The following LRGUK variants were observed in gnomAD, a reference collection of about 807,000 sequenced individuals.
LRGUK encodes the protein leucine-rich repeat and guanylate kinase domain-containing protein.
A neutral mutation model predicts 76.0 loss-of-function variants in LRGUK; 65 were observed. The ratio of observed to expected loss-of-function variants is 0.85; its 90% CI spans 0.70 to 1.05. The LOEUF is 1.05. Among genes scored for constraint, LRGUK ranks in the 50% least tolerant of loss-of-function variants. The probability of loss-of-function intolerance (pLI) is 0.00; values close to 1 mark genes in which losing one functional copy is unlikely to be tolerated. For synonymous variants in LRGUK, 268 were observed against 265.6 expected (o/e 1.01, Z -0.09); for missense variants, 758 against 732.8 (o/e 1.03, Z -0.40).
At chr7:134,133,675 T>C (rs1797403518) in intron 1 of LRGUK, among the ~76,000 whole-genome samples, 1 of 151,026 alleles carries the variant, frequency 6.6e-6, no homozygotes, top group African/African-American at 2.4e-5. Flanking sequence ...AATGCAGCAG[T>C]TGATTATGAA....
intron 10 of LRGUK, among the ~76,000 whole-genome samples, chr7:134,180,006 G>A (rs1048629363): frequency 1.3e-5 from 2 of 152,114 alleles, no homozygotes; most frequent in Non-Finnish European, 2.9e-5. Flanking sequence ...ATTGGGGTGA[G>A]GATACAGTAT....
chr7:134,224,291 G>T (rs943045119), intron 16 of LRGUK, among the ~76,000 whole-genome samples: 1 of 152,230 alleles, frequency 6.6e-6, no homozygotes, highest in Non-Finnish European at 1.5e-5. Context: ...CAGGTGGGCT[G>T]TCCTGATGCA....
chr7:134,238,132 A>T (rs1484425854), intron 16 of LRGUK, among the ~76,000 whole-genome samples: 1 of 152,208 alleles, frequency 6.6e-6, no homozygotes, highest in Non-Finnish European at 1.5e-5. Flanking sequence ...TTAGTTCTCA[A>T]GTATGTACAT....
chr7:134,162,289 G>A (rs1045996855), intron 6 of LRGUK, among the ~76,000 whole-genome samples: 1 of 152,042 alleles, frequency 6.6e-6, no homozygotes, highest in African/African-American at 2.4e-5. Context: ...TGAGAGGCTG[G>A]GATGGCAAGG....
intron 4 of LRGUK, among the ~76,000 whole-genome samples, chr7:134,145,352 A>T (rs760156741): frequency 6.6e-5 from 10 of 152,014 alleles, no homozygotes; most frequent in Non-Finnish European, 1.2e-4. Context: ...GGTTCAAGCA[A>T]TTCTCCTGCC....
rs527325126 is a variant in LRGUK at position 134,223,240 on chromosome 7, CTG to C, written c.1983+1325_1983+1326del. ...CCTGACTGTCCTAGGCCTCTTGGCT[CTG>C]TGCTCATTCTTCCCGGCAACTTCCT... is the stretch of plus-strand genomic sequence containing the variant. On this transcript the variant is annotated intron_variant, in intron 16 of 19. Coordinates refer to the LRGUK transcript ENST00000285928. 3.5e-3 allele frequency among the ~76,000 whole-genome samples: 540 copies of C among 152,274 alleles called. 2 individuals carry two copies. The highest frequency in any genetic ancestry group is 3.7e-3 in the Admixed American group (56 of 15,308).
intron 10 of LRGUK, among the ~76,000 whole-genome samples, chr7:134,181,750 T>C (rs868096839): frequency 2.6e-5 from 4 of 152,176 alleles, no homozygotes; most frequent in Admixed American, 1.3e-4. Flanking sequence ...CATATACCAG[T>C]CATCCAGTTT....
chr7:134,216,576 C>A (rs934122398), intron 15 of LRGUK, among the ~76,000 whole-genome samples: 4 of 152,096 alleles, frequency 2.6e-5, no homozygotes, highest in Admixed American at 1.3e-4. Context: ...ATAGTACATG[C>A]TCAATAAATG....
At chr7:134,191,781 A>G in intron 12 of LRGUK, 30 bp downstream of exon 12, 1 of 1,375,068 alleles carries the variant, frequency 7.3e-7, no homozygotes, top group Non-Finnish European at 1.0e-6. Flanking sequence ...TTTTTATTGC[A>G]CAAGAAATAC....
chr7:134,148,483 A>T (rs769887675), intron 5 of LRGUK, among the ~76,000 whole-genome samples, 164 bp downstream of exon 5: 4 of 152,218 alleles, frequency 2.6e-5, no homozygotes, highest in Non-Finnish European at 4.4e-5. Context: ...CAAAATGAGG[A>T]TAAATATTTT....
exon 16 of LRGUK, chr7:134,209,763 C>G (rs60390156): frequency 0.35 from 139,756 of 399,450 alleles, 26,068 homozygotes; most frequent in Middle Eastern, 0.39. Flanking sequence ...AGCCCCCAGG[C>G]AGCCCACAGT....
chr7:134,198,853 C>T (rs1448849054), intron 13 of LRGUK, among the ~76,000 whole-genome samples: 3 of 152,180 alleles, frequency 2.0e-5, no homozygotes, highest in East Asian at 3.8e-4. Flanking sequence ...CCTGGTGCTC[C>T]ACAGAACCCT....
At chr7:134,166,016 G>A (rs568313598) in intron 7 of LRGUK, among the ~76,000 whole-genome samples, 6 of 152,034 alleles carry the variant, frequency 3.9e-5, no homozygotes, top group East Asian at 3.9e-4. Context: ...CTAATTCCCC[G>A]ACTCCCCCTG....
chr7:134,240,433 A>T (rs1162013549), intron 16 of LRGUK, among the ~76,000 whole-genome samples: 1 of 152,264 alleles, frequency 6.6e-6, no homozygotes, highest in Non-Finnish European at 1.5e-5. Flanking sequence ...CAATTTGATC[A>T]ACTGGAAGAA....
Position 134,199,486 on chromosome 7 carries a change from A to T in LRGUK, c.1747+65A>T, listed in dbSNP as rs532322350. ...GATTACTGAATTAAAAGTTTGTTTCATGGGGATAAAATTCTTGGGTAAAAG... is the reference window on the plus strand; with the variant it reads ...GATTACTGAATTAAAAGTTTGTTTCTTGGGGATAAAATTCTTGGGTAAAAG... On this transcript the variant is annotated intron_variant, in intron 14 of 15. Transcript: ENST00000645682. 2.8e-6 allele frequency: 4 copies of T among 1,420,022 alleles called. No individual in the cohort carries two copies. The East Asian group carries it at 9.2e-5, about 33-fold the overall frequency. 88.0% of individuals were successfully genotyped at this position (1,420,022 alleles called of 1,614,324 possible).
intron 11 of LRGUK, among the ~76,000 whole-genome samples, chr7:134,185,636 A>G (rs1799953426): frequency 6.6e-6 from 1 of 152,074 alleles, no homozygotes; most frequent in Non-Finnish European, 1.5e-5. Context: ...TGGCAAAGAA[A>G]TTACTTTTAG....
chr7:134,273,256 C>T, the LRGUK span, among the ~76,000 whole-genome samples: 1 of 152,132 alleles, frequency 6.6e-6, no homozygotes, highest in Non-Finnish European at 1.5e-5. Context: ...ATATTGAGAA[C>T]TTGGCGAACC....
At chr7:134,238,718 A>G (rs1165062362) in intron 16 of LRGUK, among the ~76,000 whole-genome samples, 2 of 151,934 alleles carry the variant, frequency 1.3e-5, no homozygotes, top group African/African-American at 4.8e-5. Context: ...GAAAGCTTTC[A>G]TTGTCTGTTA....
downstream of LRGUK, among the ~76,000 whole-genome samples, chr7:134,212,864 C>A (rs991778021): frequency 6.6e-6 from 1 of 152,096 alleles, no homozygotes; most frequent in African/African-American, 2.4e-5. Context: ...GGCCCCACAG[C>A]GTGTTAGGCT....
Sources: allele counts gnomAD v4.1 joint callset (sites outside exome capture counted in the v4.1 genomes callset), GRCh38; gene constraint gnomAD v4.1.1; transcripts MANE v1.5; gene names NCBI Gene and HGNC (gene_info 2026-07-23, HGNC 2026-07-21).